KTN1: variants seen among roughly 807,000 people sequenced by gnomAD.
KTN1 encodes kinectin.
A neutral mutation model predicts 222.5 loss-of-function variants in KTN1; 130 were observed. The observed-to-expected ratio is 0.58, with a 90% CI of 0.51 to 0.68. KTN1 has a LOEUF of 0.68. Ranked by LOEUF, KTN1 falls within the 30% of genes least tolerant of loss-of-function variation. The pLI is 0.00. For missense variants in KTN1, 1,508 were observed against 1,500.4 expected (o/e 1.01, Z -0.08); for synonymous variants, 512 against 496.3 (o/e 1.03, Z -0.42).
Position 55,612,205 on chromosome 14 carries a change from G to C in KTN1, c.157G>C (p.Asp53His). 1 of 1,586,950 alleles carries C rather than the reference G, an allele frequency of 6.3e-7. No individual in the cohort carries two copies. Among genetic ancestry groups the C allele is most frequent in the East Asian group, 2.2e-5 (1 of 44,694 alleles). The change falls in exon 2 of 44, where the codon GAT becomes CAT. Residue 53 changes from aspartate to histidine, a missense_variant. Physicochemically the swap from Asp to His is moderately conservative, Grantham distance 81. Coordinates refer to ENST00000395314, the MANE Select transcript of KTN1 (RefSeq NM_001079521.2). ...ACAAAAGCTTATTCCTACCAAAACA[G>C]ATAAAAAGAAAGCAGAAAAGAAAAA... ...REQKLIPTKT[D>H]KKKAEKKKNK...
rs867332026 is a variant in KTN1 at position 55,650,067 on chromosome 14, C to T, written c.2405+254C>T. Among the ~76,000 whole-genome samples the T allele has an allele frequency of 5.3e-5, 8 of 151,876 alleles. No individual in the cohort carries two copies. The South Asian group carries it at 1.7e-3, about 32-fold the overall frequency. ...TATAGTTGAATGGAACTTGATTCTCCTCTGTATTCCTCAGGGTACAAATCT... is the reference window on the plus strand; with the variant it reads ...TATAGTTGAATGGAACTTGATTCTCTTCTGTATTCCTCAGGGTACAAATCT... On this transcript the variant is annotated intron_variant, in intron 22 of 43. Coordinates refer to ENST00000395314, the MANE Select transcript of KTN1 (RefSeq NM_001079521.2).
Position 55,612,487 on chromosome 14 carries a change from C to G in KTN1, c.439C>G (p.Pro147Ala). The G allele has an allele frequency of 6.2e-7, 1 of 1,613,944 alleles. No homozygotes were observed. Among genetic ancestry groups the G allele is most frequent in the Non-Finnish European group, 8.5e-7 (1 of 1,179,954 alleles). The change falls in exon 2 of 44, where the codon CCA becomes GCA. Residue 147 changes from proline (P) to alanine (A), a missense_variant. Pro to Ala is a conservative substitution (Grantham distance 27, BLOSUM62 -1). Transcript: ENST00000395314. ...KIPGKKVEPVPVTKQPTPPSE... is the reference protein window; with the variant it reads ...KIPGKKVEPVAVTKQPTPPSE... ...TCCTGGCAAAAAAGTAGAACCTGTC[C>G]CAGTTACTAAACAGCCCACCCCTCC...
chr14:55,659,313 T>G (rs1320824084), intron 30 of KTN1, among the ~76,000 whole-genome samples: 2 of 151,728 alleles, frequency 1.3e-5, no homozygotes, highest in Non-Finnish European at 2.9e-5. Context: ...TTCTGTTTTT[T>G]TTTTTTTTTT....
intron 6 of KTN1, among the ~76,000 whole-genome samples, chr14:55,628,313 C>G (rs971815707): frequency 6.6e-6 from 1 of 152,124 alleles, no homozygotes; most frequent in Non-Finnish European, 1.5e-5. Flanking sequence ...TGGATCTGAC[C>G]TAGATCTGTT....
At chr14:55,623,865 GTC>G (rs2039467054) in intron 5 of KTN1, among the ~76,000 whole-genome samples, 1 of 152,172 alleles carries the variant, frequency 6.6e-6, no homozygotes, top group African/African-American at 2.4e-5. Flanking sequence ...TGCTTTAAGT[GTC>G]TCTCTTCTAA....
intron 2 of KTN1, among the ~76,000 whole-genome samples, chr14:55,614,110 A>G (rs117155097): frequency 0.031 from 4,758 of 152,288 alleles, 111 homozygotes; most frequent in Middle Eastern, 0.11. Flanking sequence ...GTGGTAGGGA[A>G]CAGAGCTGAA....
At chr14:55,616,043 C>T (rs114720656) in intron 2 of KTN1, among the ~76,000 whole-genome samples, 2,442 of 152,018 alleles carry the variant, frequency 0.016, 38 homozygotes, top group African/African-American at 0.042. Flanking sequence ...CCCAGAGTAG[C>T]TGGAACTACA....
intron 13 of KTN1, 121 bp downstream of exon 13, chr14:55,639,343 A>T: frequency 9.5e-6 from 5 of 525,946 alleles, no homozygotes; most frequent in Middle Eastern, 3.0e-4. Flanking sequence ...ACTCTGAACT[A>T]GATTTGGAGC....
At chr14:55,675,544 T>C (rs1001071740) in intron 40 of KTN1, 5 of 253,904 alleles carry the variant, frequency 2.0e-5, no homozygotes, top group African/African-American at 8.9e-5. Context: ...GTGACTGTTA[T>C]AAATAGTGAT....
In KTN1 at chr14:55,639,293, T is replaced by TA. The variant is rs1477150533; in HGVS notation, c.1823+72dup. ...ACTGATACTTGTTAGATGCGACACT[T>TA]ATGATTAACTTTATACCTCTGACGA... On this transcript the variant is annotated intron_variant, in intron 13 of 43. Coordinates refer to ENST00000395314, the MANE Select transcript of KTN1 (RefSeq NM_001079521.2). The TA allele has an allele frequency of 1.6e-5, 17 of 1,070,156 alleles. 1 individual carries two copies. The highest frequency in any genetic ancestry group is 1.6e-4 in the South Asian group (12 of 75,638). 66.3% of individuals were successfully genotyped at this position (1,070,156 alleles called of 1,614,324 possible). A position where few individuals can be genotyped will look rare whatever the true frequency, so the allele number is the denominator to read the frequency against.
At chr14:55,647,917 C>A in intron 19 of KTN1, 108 bp from the exon 20 acceptor site, 2 of 258,308 alleles carry the variant, frequency 7.7e-6, no homozygotes, top group Non-Finnish European at 1.4e-5. Flanking sequence ...GCACTCCAGC[C>A]TGGGCGACAG....
chr14:55,634,826 A>G (rs775831702), intron 9 of KTN1, among the ~76,000 whole-genome samples, 168 bp downstream of exon 9: 3 of 152,180 alleles, frequency 2.0e-5, no homozygotes, highest in Admixed American at 1.3e-4. Flanking sequence ...ACTTACAATC[A>G]TGGCAGAAGG....
At chr14:55,622,522 A>G (rs964615795) in intron 5 of KTN1, among the ~76,000 whole-genome samples, 1 of 152,240 alleles carries the variant, frequency 6.6e-6, no homozygotes, top group Non-Finnish European at 1.5e-5. Flanking sequence ...AGGGTTACCT[A>G]TGTAAAATAA....
At position 55,612,324 on chromosome 14, in the gene KTN1, A is replaced by G. The variant is rs1429637883; in HGVS notation, c.276A>G (p.Val92=). 19 of 1,614,072 alleles carry G rather than the reference A, an allele frequency of 1.2e-5. No homozygotes were observed. The highest frequency in any genetic ancestry group is 8.5e-7 in the Non-Finnish European group (1 of 1,180,024). ...RDFKLSDALA[V]EDDQVAPVPL... ...TTAAATTATCAGATGCTTTGGCAGT[A>G]GAAGATGATCAAGTTGCACCTGTTC... The change falls in exon 2 of 44, where the codon GTA becomes GTG. Residue 92 remains valine (V), a synonymous_variant. Transcript: ENST00000395314.
chr14:55,604,501 A>G (rs1478152903), intron 1 of KTN1, among the ~76,000 whole-genome samples: 1 of 152,156 alleles, frequency 6.6e-6, no homozygotes, highest in East Asian at 1.9e-4. Flanking sequence ...ATTAAATAAA[A>G]TTTAATGACT....
In KTN1 at chr14:55,619,316, A is replaced by G. The variant is rs1272410684; in HGVS notation, c.963+4A>G. On this transcript the variant is annotated splice_donor_region_variant and intron_variant, in intron 5 of 43. Transcript: ENST00000395314. ...AATACAAGATGCTTTAAAGAAGGTA[A>G]GCGTGTTTTTTGATTATGGGCATAT... 5 of 1,612,978 alleles carry G rather than the reference A, an allele frequency of 3.1e-6. No homozygotes were observed. Among genetic ancestry groups the G allele is most frequent in the Non-Finnish European group, 4.2e-6 (5 of 1,179,716 alleles).
At chr14:55,586,301 C>T (rs1317136519) in intron 1 of KTN1, among the ~76,000 whole-genome samples, 4 of 152,120 alleles carry the variant, frequency 2.6e-5, no homozygotes. Context: ...TGATCTTAAC[C>T]TATATTAACC....
At chr14:55,618,208 C>T in intron 4 of KTN1, 74 bp downstream of exon 4, 4 of 1,096,106 alleles carry the variant, frequency 3.6e-6, no homozygotes, top group Non-Finnish European at 5.1e-6. Context: ...TCATAGATTT[C>T]ATTTTCTCAT....
chr14:55,582,561 T>A (rs1232562451), intron 1 of KTN1, among the ~76,000 whole-genome samples: 1 of 152,186 alleles, frequency 6.6e-6, no homozygotes, highest in Non-Finnish European at 1.5e-5. Context: ...TCATAATTGT[T>A]TTTTTAAAAG....
Sources: gnomAD v4.1 joint callset for allele counts (sites outside exome capture counted in the v4.1 genomes callset) on GRCh38, gnomAD v4.1.1 for gene constraint, MANE v1.5 for transcripts, NCBI Gene and HGNC (gene_info 2026-07-23, HGNC 2026-07-21) for gene names.